Variants in PARD3B observed in about 807,000 individuals in gnomAD.
PARD3B encodes par-3 family cell polarity regulator beta, also known as partitioning defective 3 homolog B.
PARD3B carries 103 observed loss-of-function variants against 130.2 expected under a neutral mutation model. That is an observed-to-expected ratio of 0.79 (90% CI 0.67 to 0.93). The LOEUF (loss-of-function observed/expected upper bound fraction) is 0.93, where lower values mean the gene tolerates loss of function less well. Among genes scored for constraint, PARD3B ranks in the 40% least tolerant of loss-of-function variants. The pLI, the probability that PARD3B is intolerant of heterozygous loss-of-function variation, is 0.00. For synonymous variants in PARD3B, 583 were observed against 553.2 expected, an observed-to-expected ratio of 1.05 and a Z score of -0.76; for missense variants, 1,609 against 1,499.2, an observed-to-expected ratio of 1.07 and a Z score of -1.21.
chr2:204,617,449 T>A (rs2034150471), intron 1 of PARD3B, among the ~76,000 whole-genome samples: 1 of 152,194 alleles, frequency 6.6e-6, no homozygotes, highest in Non-Finnish European at 1.5e-5. Flanking sequence ...TAGGTCTTTT[T>A]GGGGAGATGG....
At chr2:205,569,648 T>C (rs889622626) in intron 22 of PARD3B, among the ~76,000 whole-genome samples, 8 of 152,196 alleles carry the variant, frequency 5.3e-5, no homozygotes, top group Non-Finnish European at 1.2e-4. Context: ...GTGTAGTTCA[T>C]TGGCACATGT....
At chr2:205,488,166 T>C (rs564168421) in intron 20 of PARD3B, among the ~76,000 whole-genome samples, 1 of 152,164 alleles carries the variant, frequency 6.6e-6, no homozygotes, top group South Asian at 2.1e-4. Context: ...AAATTGTGTA[T>C]TGACAAAATT....
In PARD3B at chr2:205,341,825, T is replaced by TAATTATACATTATATGTG. The variant is rs2043542135; in HGVS notation, c.2630+40124_2630+40125insAATTATACATTATATGTG. On this transcript the variant is annotated intron_variant, in intron 18 of 22. Transcript: ENST00000406610. The surrounding 1 kb of genome is among the most constrained non-coding windows in gnomAD (Gnocchi z 4.3). ...TACATTATATGTGCATATTAAAATATCACTCTGTATTACTCCTAAATATGT... is the reference window on the plus strand; with the variant it reads ...TACATTATATGTGCATATTAAAATATAATTATACATTATATGTGCACTCTGTATTACTCCTAAATATGT... 6.6e-6 allele frequency among the ~76,000 whole-genome samples: 1 copy of TAATTATACATTATATGTG among 152,126 alleles called. No homozygotes were observed. Among genetic ancestry groups the TAATTATACATTATATGTG allele is most frequent in the African/African-American group, 2.4e-5 (1 of 41,430 alleles).
At chr2:204,681,779 A>T (rs925512075) in intron 1 of PARD3B, among the ~76,000 whole-genome samples, 15 of 152,104 alleles carry the variant, frequency 9.9e-5, no homozygotes, top group Middle Eastern at 3.4e-3. Context: ...GGGGCATCTG[A>T]TTCTCATTTG....
chr2:204,747,952 C>G (rs536476654), intron 2 of PARD3B, among the ~76,000 whole-genome samples: 1 of 152,094 alleles, frequency 6.6e-6, no homozygotes, highest in South Asian at 2.1e-4. Flanking sequence ...ACAAAAATTA[C>G]ATGATACTCA....
chr2:204,747,161 G>T (rs544043145), intron 2 of PARD3B, among the ~76,000 whole-genome samples: 1 of 152,108 alleles, frequency 6.6e-6, no homozygotes, highest in Non-Finnish European at 1.5e-5. Flanking sequence ...TGTATAAAGT[G>T]TAAGGAAGGG....
intron 4 of PARD3B, among the ~76,000 whole-genome samples, chr2:205,079,940 A>G (rs1303019307): frequency 6.6e-6 from 1 of 152,168 alleles, no homozygotes. Flanking sequence ...ACCATTTTCC[A>G]GTAAGTTCAA....
Position 205,590,413 on chromosome 2 carries a change from A to T in PARD3B, c.3261-25043A>T, listed in dbSNP as rs2054344508. On this transcript the variant is annotated intron_variant, in intron 22 of 22. Coordinates refer to ENST00000406610, the MANE Select transcript of PARD3B (RefSeq NM_001302769.2). This position sits in a 1 kb window ranked among gnomAD's most constrained non-coding sequence, Gnocchi z 4.1. Reference sequence around the variant, plus strand: ...TTCTCAGCTACTCCACAAAAGAGGGATCCTCTCATTTTAACATTTTCCACA... The same window carrying T: ...TTCTCAGCTACTCCACAAAAGAGGGTTCCTCTCATTTTAACATTTTCCACA... Among the ~76,000 whole-genome samples the T allele has an allele frequency of 6.6e-6, 1 of 152,210 alleles. No individual in the cohort carries two copies. The highest frequency in any genetic ancestry group is 1.9e-4 in the East Asian group (1 of 5,172).
At chr2:204,969,784 T>C (rs1455460372) in intron 3 of PARD3B, among the ~76,000 whole-genome samples, 1 of 152,198 alleles carries the variant, frequency 6.6e-6, no homozygotes, top group Non-Finnish European at 1.5e-5. Flanking sequence ...AATTAATAAA[T>C]AGATACTATG....
chr2:205,113,396 G>A (rs1246385667), intron 5 of PARD3B, 95 bp from the exon 6 acceptor site: 28 of 224,650 alleles, frequency 1.2e-4, no homozygotes, highest in African/African-American at 6.4e-4. Context: ...GAGCAGGGGT[G>A]TGTGTGTGTG....
At chr2:205,604,255 C>A (rs2054900162) in intron 22 of PARD3B, among the ~76,000 whole-genome samples, 1 of 152,016 alleles carries the variant, frequency 6.6e-6, no homozygotes, top group African/African-American at 2.4e-5. Flanking sequence ...GGGCAATTTA[C>A]AAAAGAAAGA....
In PARD3B at chr2:204,820,463, C is replaced by G. The variant is rs73066662; in HGVS notation, c.222+134181C>G. ...CTCTGATAGCCAGAGAGAAGTCAAT[C>G]CCTGGTTTCGAAGGACAGGCTGACT... On this transcript the variant is annotated intron_variant, in intron 2 of 22. Transcript: ENST00000406610. Among the ~76,000 whole-genome samples the G allele has an allele frequency of 6.3e-3, 959 of 152,098 alleles. 10 individuals carry two copies. Among genetic ancestry groups the G allele is most frequent in the African/African-American group, 0.021 (889 of 41,488 alleles).
rs758517817 is a variant in PARD3B, at chr2:205,245,755, TC to T, written c.2141-22del. On this transcript the variant is annotated intron_variant, in intron 15 of 22. Coordinates refer to ENST00000406610, the MANE Select transcript of PARD3B (RefSeq NM_001302769.2). ...GATTTACAAGCCGGTCTGATCCTTG[TC>T]TCTTTTATTTCTTCTCCTCAGTGCC... 17 of 1,568,994 alleles carry T rather than the reference TC, an allele frequency of 1.1e-5. No individual in the cohort carries two copies. The South Asian group carries it at 1.8e-4, about 17-fold the overall frequency.
chr2:205,039,041 A>G (rs139230514), intron 3 of PARD3B, among the ~76,000 whole-genome samples: 3 of 152,134 alleles, frequency 2.0e-5, no homozygotes, highest in African/African-American at 2.4e-5. Flanking sequence ...GTACTTTGCT[A>G]TAAATTGTGC....
At chr2:204,800,478 A>G (rs1486509877) in intron 2 of PARD3B, among the ~76,000 whole-genome samples, 1 of 152,220 alleles carries the variant, frequency 6.6e-6, no homozygotes, top group Non-Finnish European at 1.5e-5. Flanking sequence ...CAAATGGATA[A>G]TAACAGAACT....
At chr2:204,583,477 G>C (rs2032670846) in intron 1 of PARD3B, among the ~76,000 whole-genome samples, 1 of 109,388 alleles carries the variant, frequency 9.1e-6, no homozygotes, top group East Asian at 2.8e-4. Context: ...GACTGTGGTG[G>C]GGTGGGGGGA....
intron 16 of PARD3B, among the ~76,000 whole-genome samples, chr2:205,279,484 A>G (rs1025098436): frequency 1.3e-5 from 2 of 152,320 alleles, no homozygotes; most frequent in Admixed American, 1.3e-4. Context: ...TACATTTGCC[A>G]TAATTTCACA....
intron 16 of PARD3B, among the ~76,000 whole-genome samples, chr2:205,259,673 T>A (rs191560207): frequency 2.0e-5 from 3 of 152,314 alleles, no homozygotes; most frequent in African/African-American, 7.2e-5. Flanking sequence ...TGTGGAATTC[T>A]TACTATTTAG....
chr2:205,303,995 C>T (rs977693855), intron 18 of PARD3B, among the ~76,000 whole-genome samples: 2 of 152,162 alleles, frequency 1.3e-5, no homozygotes, highest in African/African-American at 2.4e-5. Context: ...AGTTTGGCCA[C>T]CTCTTATGAA....
Sources: allele counts gnomAD v4.1 joint callset (sites outside exome capture counted in the v4.1 genomes callset), GRCh38; gene constraint gnomAD v4.1.1; non-coding constraint Gnocchi (gnomAD v3.1); transcripts MANE v1.5; gene names NCBI Gene and HGNC (gene_info 2026-07-23, HGNC 2026-07-21).